Variants in KCNH1 observed in about 807,000 individuals in gnomAD.
The protein encoded by KCNH1 is voltage-gated delayed rectifier potassium channel KCNH1.
A neutral mutation model predicts 69.2 loss-of-function variants in KCNH1; 27 were observed. The ratio of observed to expected loss-of-function variants is 0.39; its 90% CI spans 0.29 to 0.54. The LOEUF (loss-of-function observed/expected upper bound fraction) is 0.54. Ranked by LOEUF, KCNH1 falls within the 20% of genes least tolerant of loss-of-function variation. The pLI, the probability that KCNH1 is intolerant of heterozygous loss-of-function variation, is 0.68. For synonymous variants in KCNH1, 456 were observed against 487.7 expected (o/e 0.93, Z 0.86); for missense variants, 798 against 1,261.6 (o/e 0.63, Z 5.57).
chr1:210,725,513 A>C (rs1168794379), intron 10 of KCNH1, among the ~76,000 whole-genome samples: 2 of 152,180 alleles, frequency 1.3e-5, no homozygotes, highest in African/African-American at 4.8e-5. Context: ...GGACCTGCCT[A>C]TGGCTCTCTC....
chr1:210,768,898 C>T (rs1179930655), intron 10 of KCNH1, among the ~76,000 whole-genome samples: 1 of 152,130 alleles, frequency 6.6e-6, no homozygotes, highest in African/African-American at 2.4e-5. Flanking sequence ...GCACAGGTCC[C>T]TAACATCACT....
At chr1:210,819,880 T>C (rs1416377812) in intron 7 of KCNH1, among the ~76,000 whole-genome samples, 3 of 152,198 alleles carry the variant, frequency 2.0e-5, no homozygotes, top group Non-Finnish European at 4.4e-5. Flanking sequence ...TGAATCGTTC[T>C]TCTGGATTGC....
intron 5 of KCNH1, among the ~76,000 whole-genome samples, chr1:211,043,825 A>G (rs2102434153): frequency 6.6e-6 from 1 of 152,338 alleles, no homozygotes; most frequent in East Asian, 1.9e-4. Flanking sequence ...CATAAACAGA[A>G]TTAAAAACAA....
chr1:211,095,239 A>G (rs1691126939), intron 3 of KCNH1, among the ~76,000 whole-genome samples: 1 of 152,224 alleles, frequency 6.6e-6, no homozygotes, highest in South Asian at 2.1e-4. Flanking sequence ...TGAGAAAAGT[A>G]AGCATTTGAT....
intron 5 of KCNH1, among the ~76,000 whole-genome samples, chr1:211,074,279 T>G (rs1690696113): frequency 6.6e-6 from 1 of 151,668 alleles, no homozygotes; most frequent in African/African-American, 2.4e-5. Flanking sequence ...GTTATAATTT[T>G]TCCTTAATTT....
chr1:210,809,540 A>C (rs928000291), intron 7 of KCNH1, among the ~76,000 whole-genome samples: 8 of 152,232 alleles, frequency 5.3e-5, no homozygotes, highest in Admixed American at 4.6e-4. Context: ...CATGTGAACA[A>C]CTGAGTTTCA....
intron 7 of KCNH1, among the ~76,000 whole-genome samples, chr1:210,818,766 A>C (rs913907906): frequency 4.6e-5 from 7 of 152,142 alleles, no homozygotes; most frequent in Admixed American, 4.6e-4. Context: ...GTAACCAACA[A>C]CACCCACATG....
At chr1:210,847,274 T>C (rs551212100) in intron 7 of KCNH1, among the ~76,000 whole-genome samples, 87 of 152,316 alleles carry the variant, frequency 5.7e-4, no homozygotes, top group African/African-American at 1.9e-3. Flanking sequence ...TAAAGACACA[T>C]GCACACGTAT....
At chr1:211,001,987 G>T (rs1389037977) in intron 6 of KCNH1, among the ~76,000 whole-genome samples, 2 of 140,454 alleles carry the variant, frequency 1.4e-5, no homozygotes, top group African/African-American at 5.2e-5. Flanking sequence ...ACAGGAAGGG[G>T]AACAGCACAC....
intron 10 of KCNH1, among the ~76,000 whole-genome samples, chr1:210,747,653 A>AAAT (rs1397401015): frequency 6.6e-6 from 1 of 151,844 alleles, no homozygotes; most frequent in African/African-American, 2.4e-5. Context: ...AAAAAAAAAA[A>AAAT]AAAATGCTTT....
intron 6 of KCNH1, among the ~76,000 whole-genome samples, chr1:210,975,581 C>T (rs1286131811): frequency 6.6e-6 from 1 of 152,138 alleles, no homozygotes; most frequent in African/African-American, 2.4e-5. Context: ...CTTCCTTACA[C>T]CTTATACAAC....
intron 5 of KCNH1, among the ~76,000 whole-genome samples, chr1:211,071,909 G>A (rs1690651072): frequency 6.6e-6 from 1 of 152,070 alleles, no homozygotes; most frequent in Admixed American, 6.6e-5. Context: ...GTGGAGTGAG[G>A]TATTTAAAGA....
chr1:210,886,253 G>A (rs903594438), intron 7 of KCNH1, among the ~76,000 whole-genome samples: 1 of 152,178 alleles, frequency 6.6e-6, no homozygotes, highest in African/African-American at 2.4e-5. Context: ...CAGGCAAACA[G>A]GGTCTGGAGT....
At chr1:211,008,417 T>C (rs184922092) in intron 6 of KCNH1, among the ~76,000 whole-genome samples, 1 of 152,372 alleles carries the variant, frequency 6.6e-6, no homozygotes, top group Non-Finnish European at 1.5e-5. Context: ...TTTATTTTAT[T>C]AAACCACTAA....
intron 1 of KCNH1, among the ~76,000 whole-genome samples, chr1:211,121,875 C>T (rs750337410): frequency 7.2e-4 from 109 of 152,292 alleles, no homozygotes; most frequent in African/African-American, 2.6e-3. Flanking sequence ...GTAGCTCACG[C>T]CTGTAATCCC....
intron 6 of KCNH1, among the ~76,000 whole-genome samples, chr1:210,966,423 A>C (rs6540638): frequency 0.13 from 20,480 of 152,246 alleles, 1,754 homozygotes; most frequent in East Asian, 0.39. Context: ...ACAGCAAAAG[A>C]AACTACCATC....
intron 6 of KCNH1, among the ~76,000 whole-genome samples, chr1:210,944,144 C>A (rs1294965710): frequency 1.3e-5 from 2 of 152,192 alleles, no homozygotes; most frequent in African/African-American, 4.8e-5. Flanking sequence ...GCAGTTCCCC[C>A]AACTCTTACC....
At chr1:210,985,979 C>T (rs961865980) in intron 6 of KCNH1, among the ~76,000 whole-genome samples, 3 of 152,174 alleles carry the variant, frequency 2.0e-5, no homozygotes, top group Non-Finnish European at 4.4e-5. Context: ...GTATTGGGTG[C>T]ATATATATTT....
chr1:210,692,804 C>T (rs1375788000), intron 10 of KCNH1, among the ~76,000 whole-genome samples: 2 of 152,218 alleles, frequency 1.3e-5, no homozygotes, highest in African/African-American at 2.4e-5. Flanking sequence ...GATCCTCCTC[C>T]AAACCTCCAG....
Sources: allele counts gnomAD v4.1 joint callset (sites outside exome capture counted in the v4.1 genomes callset), GRCh38; gene constraint gnomAD v4.1.1; transcripts MANE v1.5; gene names NCBI Gene and HGNC (gene_info 2026-07-23, HGNC 2026-07-21).